ACVR1C: variants seen among roughly 807,000 people sequenced by gnomAD.
The protein encoded by ACVR1C is activin A receptor type 1C.
Under a neutral mutation model 57.9 loss-of-function variants are expected in ACVR1C, and 23 were observed. The ratio of observed to expected loss-of-function variants is 0.40; its 90% CI spans 0.29 to 0.56. The LOEUF (loss-of-function observed/expected upper bound fraction) is 0.56. Ranked by LOEUF, ACVR1C falls within the 20% of genes least tolerant of loss-of-function variation. The pLI, the probability that ACVR1C is intolerant of heterozygous loss-of-function variation, is 0.50. For synonymous variants in ACVR1C, 214 were observed against 215.3 expected (o/e 0.99, Z 0.05); for missense variants, 480 against 607.9 (o/e 0.79, Z 2.21).
At chr2:157,534,635 C>A (rs1287586826) in intron 8 of ACVR1C, among the ~76,000 whole-genome samples, 1 of 151,958 alleles carries the variant, frequency 6.6e-6, no homozygotes, top group Non-Finnish European at 1.5e-5. Flanking sequence ...AAATTATGAT[C>A]CAAGTATAAA....
chr2:157,609,271 T>C (rs752046916), intron 1 of ACVR1C, among the ~76,000 whole-genome samples: 28 of 152,012 alleles, frequency 1.8e-4, no homozygotes, highest in Admixed American at 1.6e-3. Context: ...TGTATTTGTA[T>C]AGTTTCCAAA....
intron 2 of ACVR1C, among the ~76,000 whole-genome samples, chr2:157,576,203 C>CTTT (rs10628650): frequency 0.048 from 4,744 of 97,860 alleles, 311 homozygotes; most frequent in East Asian, 0.18. Flanking sequence ...ATAATCATTT[C>CTTT]TTTTTTTTTT....
rs569646598 is a variant in ACVR1C, at chr2:157,544,487, T to C, written c.901A>G (p.Ser301Gly). The C allele has an allele frequency of 5.0e-6, 8 of 1,613,968 alleles. No individual in the cohort carries two copies. In the South Asian group the frequency reaches 8.8e-5, roughly 18 times the overall value. ...GMIKLALSIA[S>G]GLAHLHMEIV... ...TCCATATGAAGGTGTGCCAGACCAC[T>C]AGCAATTGAGAGCGCCAGCTTGATC... The change falls in exon 5 of 9, where the codon AGT becomes GGT. Residue 301 changes from serine (S) to glycine (G), a missense_variant. Ser to Gly is a moderately conservative substitution (Grantham distance 56). Transcript: ENST00000243349.
Position 157,587,269 on chromosome 2 carries a change from G to A in ACVR1C, c.222C>T (p.Phe74=). The A allele has an allele frequency of 6.2e-7, 1 of 1,613,732 alleles. No individual in the cohort carries two copies. Among genetic ancestry groups the A allele is most frequent in the Non-Finnish European group, 8.5e-7 (1 of 1,179,688 alleles). ...VSLPELNAQV[F]CHSSNNVTKT... ...TGGTAACATTGTTGGAACTATGACA[G>A]AAGACTTGAGCATTCAGTTCTGGAA... Residue 74 remains phenylalanine (F), a synonymous_variant, in exon 2 of 9, where the codon TTC becomes TTT. Coordinates refer to ENST00000243349, the MANE Select transcript of ACVR1C (RefSeq NM_145259.3).
chr2:157,549,860 A>G (rs541728523), intron 4 of ACVR1C, among the ~76,000 whole-genome samples: 112 of 148,458 alleles, frequency 7.5e-4, no homozygotes, highest in Middle Eastern at 7.1e-3. Flanking sequence ...AAAATTAGCC[A>G]GGCGTAGTGG....
chr2:157,558,065 G>C (rs1194085634), intron 2 of ACVR1C, among the ~76,000 whole-genome samples: 1 of 152,092 alleles, frequency 6.6e-6, no homozygotes, highest in Non-Finnish European at 1.5e-5. Flanking sequence ...TAGACTATGG[G>C]AGCAGAGTCT....
chr2:157,575,993 T>C (rs1222199370), intron 2 of ACVR1C, among the ~76,000 whole-genome samples: 4 of 152,130 alleles, frequency 2.6e-5, no homozygotes, highest in Non-Finnish European at 5.9e-5. Context: ...TGAAACTTGA[T>C]GTTTTATTCT....
chr2:157,562,310 A>G (rs1340476130), intron 2 of ACVR1C, among the ~76,000 whole-genome samples: 7 of 145,550 alleles, frequency 4.8e-5, no homozygotes, highest in African/African-American at 1.2e-4. Context: ...AAAAAAATAT[A>G]TATATATATA....
chr2:157,540,887 A>G (rs1687610519), intron 7 of ACVR1C, among the ~76,000 whole-genome samples: 2 of 152,240 alleles, frequency 1.3e-5, no homozygotes. Context: ...CTGTCACCCC[A>G]CTAAGCAGTA....
rs1687405920 is a variant in ACVR1C at position 157,533,423 on chromosome 2, A to G, written c.*495T>C. The G allele has an allele frequency of 6.6e-6, 1 of 152,636 alleles. No individual in the cohort carries two copies. The highest frequency in any genetic ancestry group is 1.5e-5 in the Non-Finnish European group (1 of 68,038). 9.5% of individuals were successfully genotyped at this position (152,636 alleles called of 1,614,324 possible). On this transcript the variant is annotated 3_prime_UTR_variant, in exon 9 of 9. Coordinates refer to ENST00000243349, the MANE Select transcript of ACVR1C (RefSeq NM_145259.3). ...TCCACTCTCACGTTCGATATATTAAAGTTTAGAGCAATATTTATTTTTAAA... is the reference window on the plus strand; with the variant it reads ...TCCACTCTCACGTTCGATATATTAAGGTTTAGAGCAATATTTATTTTTAAA...
At chr2:157,563,220 C>T (rs1332042390) in intron 2 of ACVR1C, among the ~76,000 whole-genome samples, 1 of 152,100 alleles carries the variant, frequency 6.6e-6, no homozygotes, top group African/African-American at 2.4e-5. Context: ...TAGAAAACCC[C>T]ATCACCTCAG....
intron 1 of ACVR1C, among the ~76,000 whole-genome samples, chr2:157,602,618 A>G (rs1682303946): frequency 6.6e-6 from 1 of 152,190 alleles, no homozygotes; most frequent in African/African-American, 2.4e-5. Context: ...TCACAAAAGT[A>G]AAAAACAGAA....
At chr2:157,625,955 G>A (rs1682886611) in intron 1 of ACVR1C, among the ~76,000 whole-genome samples, 1 of 152,028 alleles carries the variant, frequency 6.6e-6, no homozygotes, top group Non-Finnish European at 1.5e-5. Flanking sequence ...CAACTCAGAG[G>A]AGCCTGAGTT....
At chr2:157,587,742 G>A (rs929136062) in intron 1 of ACVR1C, among the ~76,000 whole-genome samples, 1 of 151,932 alleles carries the variant, frequency 6.6e-6, no homozygotes, top group South Asian at 2.1e-4. Context: ...CCTAGGAAAT[G>A]CTAGGAAACA....
rs909229084 is a variant in ACVR1C, at chr2:157,557,306, G to A, written c.305-974C>T. Among the ~76,000 whole-genome samples, 9 of 152,202 alleles carry A rather than the reference G, an allele frequency of 5.9e-5. No individual in the cohort carries two copies. In the South Asian group the frequency reaches 1.4e-3, roughly 25 times the overall value. ...GATCTAACTTTTATTCTGAGTGGCC[G>A]CTGTGTGAATAGACACTAGAGAAGC... On this transcript the variant is annotated intron_variant, in intron 2 of 8. Coordinates refer to ENST00000243349, the MANE Select transcript of ACVR1C (RefSeq NM_145259.3).
At chr2:157,540,469 T>C (rs1372483468) in intron 7 of ACVR1C, among the ~76,000 whole-genome samples, 1 of 152,112 alleles carries the variant, frequency 6.6e-6, no homozygotes, top group Non-Finnish European at 1.5e-5. Context: ...TGGCTAATTT[T>C]GTATTTTTAG....
rs1491399221 is a variant in ACVR1C, at chr2:157,554,266, A to AG, written c.544+1826dup. ...AAGAAAGAAAGAAAGAAAGAAAGAA[A>AG]GAAAGGAAGGAAGGAAGAGAGAGAG... is the stretch of plus-strand genomic sequence containing the variant. On this transcript the variant is annotated intron_variant, in intron 3 of 8. Coordinates refer to ENST00000243349, the MANE Select transcript of ACVR1C (RefSeq NM_145259.3). 4.5e-4 allele frequency among the ~76,000 whole-genome samples: 63 copies of AG among 140,890 alleles called. 2 individuals are homozygous for AG. Among genetic ancestry groups the AG allele is most frequent in the African/African-American group, 3.0e-4 (10 of 33,456 alleles). The allele number at this position is 140,890 out of a possible 152,430, so 92.4% of individuals were successfully genotyped here.
chr2:157,541,055 A>G lies in ACVR1C; in HGVS notation c.1225+35T>C, dbSNP rs1282287908. On this transcript the variant is annotated intron_variant, in intron 7 of 8. Coordinates refer to ENST00000243349, the MANE Select transcript of ACVR1C (RefSeq NM_145259.3). ...ACATCTTGTATTCAGAGTATCAAGG[A>G]AAGGCAAACACAAAGGATATTTCCA... 3 of 1,602,998 alleles carry G rather than the reference A, an allele frequency of 1.9e-6. No homozygotes were observed. The South Asian group carries it at 3.4e-5, about 18-fold the overall frequency.
chr2:157,555,945 T>C (rs564918092), intron 3 of ACVR1C, 148 bp downstream of exon 3: 1 of 910,342 alleles, frequency 1.1e-6, no homozygotes. Context: ...CTTCCTCAGG[T>C]ACTAAAAGGA....
Sources: gnomAD v4.1 joint callset for allele counts (sites outside exome capture counted in the v4.1 genomes callset) on GRCh38, gnomAD v4.1.1 for gene constraint, MANE v1.5 for transcripts, NCBI Gene and HGNC (gene_info 2026-07-23, HGNC 2026-07-21) for gene names.